Variants in FAAH2 observed in about 807,000 individuals in gnomAD.
FAAH2 encodes the protein fatty acid amide hydrolase 2.
A neutral mutation model predicts 36.9 loss-of-function variants in FAAH2; 60 were observed. The ratio of observed to expected loss-of-function variants is 1.63; its 90% CI spans 1.32 to 2.02. The LOEUF is 2.02. FAAH2 is among the 30% of genes most tolerant of loss of function. The probability of loss-of-function intolerance (pLI) is 0.00; values close to 1 mark genes in which losing one functional copy is unlikely to be tolerated. For synonymous variants in FAAH2, 214 were observed against 143.8 expected (o/e 1.49, Z -3.49); for missense variants, 689 against 397.5 (o/e 1.73, Z -6.23).
At chrX:57,310,542 T>C (rs1415187838) in intron 2 of FAAH2, 51 bp from the exon 3 acceptor site, 4 of 1,154,700 alleles carry the variant, frequency 3.5e-6, no homozygotes, top group South Asian at 4.2e-5. Flanking sequence ...TTAATAAAGT[T>C]GGTTGGATGA....
intron 8 of FAAH2, among the ~76,000 whole-genome samples, chrX:57,440,254 G>T (rs2147145618): frequency 9.0e-6 from 1 of 111,468 alleles, no homozygotes; most frequent in Non-Finnish European, 1.9e-5. Context: ...TCTTCTATTT[G>T]TTTGTGTCCT....
intron 4 of FAAH2, among the ~76,000 whole-genome samples, chrX:57,333,533 C>A (rs2053462359): frequency 9.1e-6 from 1 of 110,055 alleles, no homozygotes; most frequent in African/African-American, 3.3e-5. Flanking sequence ...GGTCAACATG[C>A]AAGTACAGAT....
At chrX:57,185,914 G>T in the FAAH2 span, among the ~76,000 whole-genome samples, 1 of 111,614 alleles carries the variant, frequency 9.0e-6, no homozygotes, top group Non-Finnish European at 1.9e-5. Context: ...TTTTATGGCT[G>T]TGTAGTATTC....
At chrX:57,246,304 G>A in the FAAH2 span, among the ~76,000 whole-genome samples, 1 of 111,797 alleles carries the variant, frequency 8.9e-6, no homozygotes, top group African/African-American at 3.3e-5. Context: ...GTGAAAAGAG[G>A]AGCTGGTAGC....
At chrX:57,451,509 A>G (rs1452525460) in intron 10 of FAAH2, among the ~76,000 whole-genome samples, 1 of 111,937 alleles carries the variant, frequency 8.9e-6, no homozygotes, top group Admixed American at 9.5e-5. Context: ...CAGTAGAAGA[A>G]AACAAAGGAA....
chrX:57,239,220 T>C, the FAAH2 span, among the ~76,000 whole-genome samples: 2 of 111,731 alleles, frequency 1.8e-5, no homozygotes, highest in African/African-American at 6.5e-5. Flanking sequence ...TGCAGGAAAG[T>C]CTGGTCCAGG....
At chrX:57,400,171 A>T (rs2055396912) in intron 7 of FAAH2, among the ~76,000 whole-genome samples, 1 of 112,396 alleles carries the variant, frequency 8.9e-6, no homozygotes, top group Admixed American at 9.4e-5. Context: ...CTGATATTTA[A>T]GCAAACGGTT....
At chrX:57,464,979 C>T (rs1318670394) in intron 10 of FAAH2, among the ~76,000 whole-genome samples, 2 of 111,311 alleles carry the variant, frequency 1.8e-5, no homozygotes, top group Non-Finnish European at 3.8e-5. Flanking sequence ...TAAAGAAAAC[C>T]ATGTTCTAAG....
intron 2 of FAAH2, among the ~76,000 whole-genome samples, chrX:57,296,833 C>A (rs2052178701): frequency 9.0e-6 from 1 of 111,481 alleles, no homozygotes; most frequent in South Asian, 3.7e-4. Context: ...CTGATTTGAT[C>A]AAGTGGAAGA....
At chrX:57,341,473 G>T (rs897981211) in intron 5 of FAAH2, 83 bp downstream of exon 5, 2 of 1,004,149 alleles carry the variant, frequency 2.0e-6, no homozygotes, top group South Asian at 2.6e-5. Flanking sequence ...GGATTATCTT[G>T]CTTATCAGGG....
intron 10 of FAAH2, among the ~76,000 whole-genome samples, chrX:57,454,509 G>T (rs1387757791): frequency 8.9e-6 from 1 of 112,118 alleles, no homozygotes; most frequent in East Asian, 2.8e-4. Context: ...GGATGACAAG[G>T]AAGCTCAGTG....
At chrX:57,453,855 G>T (rs948705324) in intron 10 of FAAH2, among the ~76,000 whole-genome samples, 1 of 112,274 alleles carries the variant, frequency 8.9e-6, no homozygotes, top group Non-Finnish European at 1.9e-5. Flanking sequence ...GAGAAGTGGA[G>T]ATACCCAGGT....
intron 1 of FAAH2, among the ~76,000 whole-genome samples, chrX:57,287,448 A>G (rs1316816860): frequency 9.0e-6 from 1 of 111,647 alleles, no homozygotes; most frequent in African/African-American, 3.3e-5. Flanking sequence ...AAATTGATTT[A>G]AAGTAAAAGT....
At chrX:57,478,409 G>T (rs1014806896) in intron 10 of FAAH2, among the ~76,000 whole-genome samples, 2 of 111,205 alleles carry the variant, frequency 1.8e-5, no homozygotes, top group Non-Finnish European at 3.8e-5. Context: ...AGATGAGTAG[G>T]TTGTGAAAAT....
intron 8 of FAAH2, among the ~76,000 whole-genome samples, chrX:57,440,926 G>A (rs960535070): frequency 1.3e-4 from 14 of 111,462 alleles, no homozygotes; most frequent in African/African-American, 4.6e-4. Context: ...ATATGTTGAA[G>A]CAGTGTTGCA....
intron 5 of FAAH2, among the ~76,000 whole-genome samples, chrX:57,361,982 G>A (rs749094092): frequency 1.8e-5 from 2 of 111,052 alleles, no homozygotes; most frequent in South Asian, 7.6e-4. Flanking sequence ...CCTCTTTTCT[G>A]TAAGATTTCT....
the FAAH2 span, among the ~76,000 whole-genome samples, chrX:57,165,931 C>G: frequency 7.5e-4 from 83 of 110,395 alleles, no homozygotes; most frequent in African/African-American, 2.7e-3. Flanking sequence ...CCATGCCCCC[C>G]ATCCTGTGCC....
At chrX:57,362,775 G>T (rs1198089675) in intron 5 of FAAH2, among the ~76,000 whole-genome samples, 2 of 111,709 alleles carry the variant, frequency 1.8e-5, no homozygotes, top group South Asian at 3.7e-4. Context: ...TTTGAATATG[G>T]TGAAATGTAT....
intron 5 of FAAH2, among the ~76,000 whole-genome samples, chrX:57,341,957 A>G (rs2053698425): frequency 8.9e-6 from 1 of 111,844 alleles, no homozygotes; most frequent in African/African-American, 3.2e-5. Context: ...TAAGAATGTC[A>G]AAGCAGACTC....
Sources: gnomAD v4.1 joint callset for allele counts (sites outside exome capture counted in the v4.1 genomes callset) on GRCh38, gnomAD v4.1.1 for gene constraint, MANE v1.5 for transcripts, NCBI Gene and HGNC (gene_info 2026-07-23, HGNC 2026-07-21) for gene names.